SGPP2: variants seen among roughly 807,000 people sequenced by gnomAD.
The protein encoded by SGPP2 is sphingosine-1-phosphate phosphatase 2.
SGPP2 carries 30 observed loss-of-function variants against 33.9 expected under a neutral mutation model. The ratio of observed to expected loss-of-function variants is 0.89; its 90% CI spans 0.66 to 1.20. The LOEUF (loss-of-function observed/expected upper bound fraction) is 1.20. Among genes scored for constraint, SGPP2 ranks in the 50% most tolerant of loss-of-function variants. SGPP2 has a pLI of 0.00. For synonymous variants in SGPP2, 233 were observed against 225.0 expected, an observed-to-expected ratio of 1.04 and a Z score of -0.32; for missense variants, 458 against 532.1, an observed-to-expected ratio of 0.86 and a Z score of 1.37.
chr2:222,486,838 G>A (rs1698117872), intron 2 of SGPP2, among the ~76,000 whole-genome samples: 1 of 151,908 alleles, frequency 6.6e-6, no homozygotes, highest in East Asian at 1.9e-4. Flanking sequence ...TATATATTAA[G>A]GCTTTTTTTT....
At chr2:222,497,234 G>A (rs950476680) in intron 2 of SGPP2, among the ~76,000 whole-genome samples, 1 of 147,130 alleles carries the variant, frequency 6.8e-6, no homozygotes, top group Non-Finnish European at 1.5e-5. Flanking sequence ...TGAAAAGAGT[G>A]TCAGATCTCT....
chr2:222,515,300 T>C (rs1242110818), intron 2 of SGPP2, among the ~76,000 whole-genome samples: 4 of 152,124 alleles, frequency 2.6e-5, no homozygotes, highest in Non-Finnish European at 5.9e-5. Flanking sequence ...AAACATCTGC[T>C]TCTCACATTT....
intron 4 of SGPP2, among the ~76,000 whole-genome samples, chr2:222,553,473 G>T (rs1191850554): frequency 6.6e-6 from 1 of 152,196 alleles, no homozygotes; most frequent in African/African-American, 2.4e-5. Flanking sequence ...CTCTATGCTA[G>T]TATTTCCGAG....
chr2:222,531,947 C>T (rs1393660432), intron 4 of SGPP2, among the ~76,000 whole-genome samples: 1 of 152,156 alleles, frequency 6.6e-6, no homozygotes. Context: ...CGTGTGAGTA[C>T]ATCATTCAGG....
At chr2:222,451,688 C>T (rs1697491344) in intron 1 of SGPP2, among the ~76,000 whole-genome samples, 1 of 151,712 alleles carries the variant, frequency 6.6e-6, no homozygotes, top group Non-Finnish European at 1.5e-5. Flanking sequence ...TGCAAGGGGA[C>T]TAAAAGTAAA....
rs913753780 is a variant in SGPP2 at position 222,550,074 on chromosome 2, T to G, written c.649-8273T>G. Among the ~76,000 whole-genome samples the G allele has an allele frequency of 1.3e-5, 2 of 152,076 alleles. No individual in the cohort carries two copies. The highest frequency in any genetic ancestry group is 2.9e-5 in the Non-Finnish European group (2 of 68,028). ...TTGTATTTTTTGGTAGAGACAGGGT[T>G]TCACCATATTGGCCAGACTGGTCCT... On this transcript the variant is annotated intron_variant, in intron 4 of 4. Transcript: ENST00000321276. This position sits in a 1 kb window ranked among gnomAD's most constrained non-coding sequence, Gnocchi z 4.5.
At chr2:222,544,485 A>G (rs1423676166) in intron 4 of SGPP2, among the ~76,000 whole-genome samples, 1 of 152,218 alleles carries the variant, frequency 6.6e-6, no homozygotes, top group African/African-American at 2.4e-5. Context: ...CAATTCCCTT[A>G]TATAAAATAT....
At chr2:222,471,895 G>GT (rs1403854685) in intron 1 of SGPP2, among the ~76,000 whole-genome samples, 1 of 152,096 alleles carries the variant, frequency 6.6e-6, no homozygotes, top group Admixed American at 6.6e-5. Context: ...CCATGTTATT[G>GT]TTTTTTAAGT....
At chr2:222,458,107 G>T (rs577380877) in intron 1 of SGPP2, among the ~76,000 whole-genome samples, 1 of 152,180 alleles carries the variant, frequency 6.6e-6, no homozygotes, top group Admixed American at 6.5e-5. Context: ...CCGAAGTGCA[G>T]TGGAGAGATC....
At chr2:222,471,183 C>T (rs1697834400) in intron 1 of SGPP2, among the ~76,000 whole-genome samples, 2 of 152,142 alleles carry the variant, frequency 1.3e-5, no homozygotes, top group South Asian at 4.1e-4. Context: ...GTAACTGTCT[C>T]CCGGTAGTCC....
chr2:222,561,536 A>T lies in SGPP2; in HGVS notation c.*2638A>T, dbSNP rs923363867. 5.0e-5 allele frequency among the ~76,000 whole-genome samples: 5 copies of T among 99,906 alleles called. No individual in the cohort carries two copies. Among genetic ancestry groups the T allele is most frequent in the East Asian group, 3.6e-4 (1 of 2,758 alleles). 65.5% of individuals were successfully genotyped at this position (99,906 alleles called of 152,430 possible). ...ATATATGATATATATATATCATTTT[A>T]TATATATATATATATCATATACATA... is the stretch of plus-strand genomic sequence containing the variant. On this transcript the variant is annotated 3_prime_UTR_variant, in exon 5 of 5. Transcript: ENST00000321276.
intron 3 of SGPP2, among the ~76,000 whole-genome samples, chr2:222,523,133 G>T (rs1363209455): frequency 6.6e-6 from 1 of 152,254 alleles, no homozygotes; most frequent in African/African-American, 2.4e-5. Flanking sequence ...TAGCTGGAAA[G>T]ACCAGGACTA....
chr2:222,533,998 T>G (rs1698877804), intron 4 of SGPP2, among the ~76,000 whole-genome samples: 2 of 152,124 alleles, frequency 1.3e-5, no homozygotes, highest in Non-Finnish European at 2.9e-5. Context: ...AGGGTTGGGA[T>G]TGGCATACAG....
chr2:222,482,238 G>T (rs1279091169), intron 2 of SGPP2, among the ~76,000 whole-genome samples: 1 of 152,202 alleles, frequency 6.6e-6, no homozygotes, highest in Non-Finnish European at 1.5e-5. Context: ...GTAGGAATTT[G>T]CTGTAAAGTG....
At chr2:222,479,477 A>G (rs1029296500) in intron 2 of SGPP2, among the ~76,000 whole-genome samples, 2 of 137,656 alleles carry the variant, frequency 1.5e-5, no homozygotes, top group Non-Finnish European at 3.0e-5. Flanking sequence ...ATCTCGGCTC[A>G]CTGCAAGCCC....
chr2:222,540,437 G>A (rs1386875923), intron 4 of SGPP2, among the ~76,000 whole-genome samples: 1 of 152,164 alleles, frequency 6.6e-6, no homozygotes, highest in Non-Finnish European at 1.5e-5. Flanking sequence ...ATAAATATCA[G>A]TGTATTAACA....
chr2:222,545,569 A>G (rs1346956003), intron 4 of SGPP2, among the ~76,000 whole-genome samples: 1 of 152,142 alleles, frequency 6.6e-6, no homozygotes, highest in African/African-American at 2.4e-5. Context: ...GGCGTGAGCC[A>G]CCACACCTGG....
In SGPP2 at chr2:222,558,562, C is replaced by G; in HGVS notation, c.864C>G (p.Thr288=). The change falls in exon 5 of 5, where the codon ACC becomes ACG. Residue 288 remains threonine (T), a synonymous_variant. Transcript: ENST00000321276. The part of the protein sequence containing the change: ...TTILAAGAGV[T]IGFWINHFFQ... Reference sequence around the variant, plus strand: ...TTCTGGCTGCCGGGGCTGGAGTGACCATAGGATTCTGGATCAACCATTTCT... The same window carrying G: ...TTCTGGCTGCCGGGGCTGGAGTGACGATAGGATTCTGGATCAACCATTTCT... 1 of 1,614,152 alleles carries G rather than the reference C, an allele frequency of 6.2e-7. No homozygotes were observed. The highest frequency in any genetic ancestry group is 8.5e-7 in the Non-Finnish European group (1 of 1,180,038).
At position 222,476,923 on chromosome 2, in the gene SGPP2, G is replaced by T. The variant is rs897271122; in HGVS notation, c.378+2197G>T. ...TATGTATATAGATGTGTATATATGTGTATTGGAGTATATAGGTGTGTATGT... is the reference window on the plus strand; with the variant it reads ...TATGTATATAGATGTGTATATATGTTTATTGGAGTATATAGGTGTGTATGT... On this transcript the variant is annotated intron_variant, in intron 2 of 4. Transcript: ENST00000321276. This position sits in a 1 kb window ranked among gnomAD's most constrained non-coding sequence, Gnocchi z 4.3. 1.3e-5 allele frequency among the ~76,000 whole-genome samples: 2 copies of T among 151,484 alleles called. No individual in the cohort carries two copies. The highest frequency in any genetic ancestry group is 6.6e-5 in the Admixed American group (1 of 15,188).
Sources: allele counts gnomAD v4.1 joint callset (sites outside exome capture counted in the v4.1 genomes callset), GRCh38; gene constraint gnomAD v4.1.1; non-coding constraint Gnocchi (gnomAD v3.1); transcripts MANE v1.5; gene names NCBI Gene and HGNC (gene_info 2026-07-23, HGNC 2026-07-21).